PIK3C2G: variants seen among roughly 807,000 people sequenced by gnomAD.
PIK3C2G encodes phosphatidylinositol-4-phosphate 3-kinase catalytic subunit type 2 gamma.
Under a neutral mutation model 181.1 loss-of-function variants are expected in PIK3C2G, and 168 were observed. That is an observed-to-expected ratio of 0.93 (90% CI 0.82 to 1.05). The LOEUF (loss-of-function observed/expected upper bound fraction) is 1.05, where lower values mean the gene tolerates loss of function less well. Among genes scored for constraint, PIK3C2G ranks in the 50% least tolerant of loss-of-function variants. PIK3C2G has a pLI of 0.00. For synonymous variants in PIK3C2G, 573 were observed against 592.2 expected (o/e 0.97, Z 0.47); for missense variants, 1,869 against 1,732.8 (o/e 1.08, Z -1.40).
chr12:18,652,381 A>T (rs148965597), downstream of PIK3C2G, among the ~76,000 whole-genome samples: 21 of 152,256 alleles, frequency 1.4e-4, 1 homozygote, highest in African/African-American at 5.1e-4. Flanking sequence ...CAAGTCAAGG[A>T]ATGCTAAAGA....
chr12:18,478,503 C>G (rs1939229777), intron 18 of PIK3C2G, among the ~76,000 whole-genome samples: 1 of 152,098 alleles, frequency 6.6e-6, no homozygotes, highest in South Asian at 2.1e-4. Context: ...CTAAATAAAC[C>G]AAGGAGGCCA....
chr12:18,668,407 T>G, the PIK3C2G span, among the ~76,000 whole-genome samples: 3 of 152,194 alleles, frequency 2.0e-5, no homozygotes, highest in Non-Finnish European at 2.9e-5. Context: ...AAGGAAAACC[T>G]TGCTCATCCA....
the PIK3C2G span, among the ~76,000 whole-genome samples, chr12:18,656,157 A>C: frequency 6.6e-6 from 1 of 152,212 alleles, no homozygotes; most frequent in South Asian, 2.1e-4. Flanking sequence ...TGCTGGGCAC[A>C]GTGGCTCACA....
chr12:18,647,940 C>G lies in PIK3C2G; in HGVS notation c.4373C>G (p.Thr1458Ser), dbSNP rs759781983. ...HVLMLIVKSK[T>S]VFVGAINIRL... Reference sequence around the variant, plus strand: ...TTAATGCTTATTGTGAAGAGTAAAACTGTATTTGTGGGAGCAATTAACATC... The same window carrying G: ...TTAATGCTTATTGTGAAGAGTAAAAGTGTATTTGTGGGAGCAATTAACATC... The change falls in exon 33 of 33, where the codon ACT (threonine) becomes AGT (serine). Residue 1458 changes from threonine to serine, a missense_variant. Thr to Ser is a moderately conservative substitution (Grantham distance 58). Coordinates refer to ENST00000538779, the MANE Select transcript of PIK3C2G (RefSeq NM_001288772.2). 16 of 1,600,000 alleles carry G rather than the reference C, an allele frequency of 1.0e-5. No homozygotes were observed. In the South Asian group the frequency reaches 1.6e-4, roughly 16 times the overall value.
chr12:18,390,643 T>C (rs1943475207), intron 14 of PIK3C2G, among the ~76,000 whole-genome samples: 1 of 152,166 alleles, frequency 6.6e-6, no homozygotes, highest in African/African-American at 2.4e-5. Context: ...CATGTGTACA[T>C]AATGATTCTC....
chr12:18,346,679 A>C lies in PIK3C2G; in HGVS notation c.1468A>C (p.Ile490Leu). The change falls in exon 11 of 33, where the codon ATC becomes CTC. Residue 490 changes from isoleucine to leucine, a missense_variant. Transcript: ENST00000538779. ...EKVTTELSTS[I>L]YQLINVYCNS... is the part of the protein sequence containing the mutation. ...GGTAACAACTGAACTATCCACATCC[A>C]TCTACCAGCTAATCAATGTCTACTG... 2.5e-6 allele frequency: 4 copies of C among 1,613,382 alleles called. No individual in the cohort carries two copies. Among genetic ancestry groups the C allele is most frequent in the Non-Finnish European group, 3.4e-6 (4 of 1,179,442 alleles).
At chr12:18,484,575 A>G (rs570376912) in intron 18 of PIK3C2G, among the ~76,000 whole-genome samples, 1 of 152,172 alleles carries the variant, frequency 6.6e-6, no homozygotes, top group East Asian at 1.9e-4. Context: ...GCCCCATATA[A>G]TGCTCTTTAT....
chr12:18,407,621 C>T (rs1944613813), intron 16 of PIK3C2G, among the ~76,000 whole-genome samples: 1 of 152,132 alleles, frequency 6.6e-6, no homozygotes, highest in Admixed American at 6.6e-5. Flanking sequence ...TGTAAAACAA[C>T]AGTTGTTATC....
chr12:18,628,253 T>A (rs1389187796), intron 31 of PIK3C2G, among the ~76,000 whole-genome samples: 1 of 152,170 alleles, frequency 6.6e-6, no homozygotes, highest in African/African-American at 2.4e-5. Flanking sequence ...TTACTATGAG[T>A]GCAAAATAAA....
intron 31 of PIK3C2G, among the ~76,000 whole-genome samples, chr12:18,630,055 A>G (rs1230558455): frequency 1.3e-5 from 2 of 152,090 alleles, no homozygotes; most frequent in Non-Finnish European, 2.9e-5. Flanking sequence ...TGTGTTAAGG[A>G]AAGGATTTGC....
intron 11 of PIK3C2G, among the ~76,000 whole-genome samples, chr12:18,353,126 C>T (rs1279871958): frequency 6.6e-6 from 1 of 152,202 alleles, no homozygotes; most frequent in Non-Finnish European, 1.5e-5. Context: ...AGAGGCACAT[C>T]TTACTGCCAT....
At chr12:18,699,871 T>C in the PIK3C2G span, 1 of 1,612,996 alleles carries the variant, frequency 6.2e-7, no homozygotes, top group Non-Finnish European at 8.5e-7. Context: ...TAATCTTGAA[T>C]GTTGAAAGCT....
chr12:18,506,567 G>A (rs1483567830), intron 24 of PIK3C2G, among the ~76,000 whole-genome samples: 1 of 152,078 alleles, frequency 6.6e-6, no homozygotes, highest in Non-Finnish European at 1.5e-5. Context: ...ACTGGAGGAG[G>A]GGCACAGAAG....
intron 5 of PIK3C2G, among the ~76,000 whole-genome samples, chr12:18,298,528 T>C (rs1950041887): frequency 6.6e-6 from 1 of 151,858 alleles, no homozygotes; most frequent in African/African-American, 2.4e-5. Context: ...TTTTGTTTGC[T>C]ATGCAGGAGC....
intron 29 of PIK3C2G, among the ~76,000 whole-genome samples, chr12:18,591,561 T>C (rs887024134): frequency 6.6e-6 from 1 of 151,692 alleles, no homozygotes; most frequent in South Asian, 2.1e-4. Flanking sequence ...CCATGACACA[T>C]TTGAGAAAGT....
chr12:18,599,313 C>A (rs1565548200), intron 30 of PIK3C2G, among the ~76,000 whole-genome samples: 1 of 151,932 alleles, frequency 6.6e-6, no homozygotes, highest in African/African-American at 2.4e-5. Flanking sequence ...GAATACTATG[C>A]AGCCATAAAA....
chr12:18,648,820 A>G (rs2136870878), downstream of PIK3C2G, among the ~76,000 whole-genome samples: 1 of 152,288 alleles, frequency 6.6e-6, no homozygotes, highest in Non-Finnish European at 1.5e-5. Flanking sequence ...CCACCTGCAC[A>G]GTGGGTAAAA....
chr12:18,708,379 G>T, the PIK3C2G span, among the ~76,000 whole-genome samples: 2 of 152,094 alleles, frequency 1.3e-5, no homozygotes, highest in African/African-American at 4.8e-5. Context: ...ATATTCCATT[G>T]CATATATCCA....
the PIK3C2G span, chr12:18,693,251 C>T: frequency 1.3e-6 from 2 of 1,545,936 alleles, no homozygotes; most frequent in Non-Finnish European, 1.8e-6. Context: ...AGGTGCATAC[C>T]ATGATAGGGG....
Sources: allele counts gnomAD v4.1 joint callset (sites outside exome capture counted in the v4.1 genomes callset), GRCh38; gene constraint gnomAD v4.1.1; transcripts MANE v1.5; gene names NCBI Gene and HGNC (gene_info 2026-07-23, HGNC 2026-07-21).